ATP9A: variants seen among roughly 807,000 people sequenced by gnomAD.
ATP9A encodes the protein ATPase phospholipid transporting 9A.
Under a neutral mutation model 144.1 loss-of-function variants are expected in ATP9A, and 52 were observed. That is an observed-to-expected ratio of 0.36 (90% CI 0.29 to 0.45). The LOEUF is 0.45. Among genes scored for constraint, ATP9A ranks in the 20% least tolerant of loss-of-function variants. The probability of loss-of-function intolerance (pLI) is 1.00; values close to 1 mark genes in which losing one functional copy is unlikely to be tolerated. For synonymous variants in ATP9A, 582 were observed against 557.4 expected, an observed-to-expected ratio of 1.04 and a Z score of -0.62; for missense variants, 947 against 1,392.7, an observed-to-expected ratio of 0.68 and a Z score of 5.09.
intron 14 of ATP9A, 36 bp from the exon 15 acceptor site, chr20:51,639,540 G>A: frequency 6.4e-7 from 1 of 1,573,628 alleles, no homozygotes; most frequent in Non-Finnish European, 8.6e-7. Context: ...CAGATGCCCA[G>A]CCGAGAATCT....
At chr20:51,657,230 T>C (rs773281033) in intron 13 of ATP9A, 80 bp from the exon 14 acceptor site, 46 of 1,210,776 alleles carry the variant, frequency 3.8e-5, no homozygotes, top group African/African-American at 7.5e-5. Flanking sequence ...CGTGCAGCTA[T>C]TGTTTCTTTT....
At chr20:51,602,052 G>A (rs2077145396) in intron 27 of ATP9A, among the ~76,000 whole-genome samples, 1 of 152,170 alleles carries the variant, frequency 6.6e-6, no homozygotes, top group African/African-American at 2.4e-5. Flanking sequence ...TGCACCCTCT[G>A]CTTCCAGTGA....
chr20:51,687,502 T>C (rs1359017238), intron 9 of ATP9A, among the ~76,000 whole-genome samples: 1 of 152,106 alleles, frequency 6.6e-6, no homozygotes, highest in Admixed American at 6.6e-5. Flanking sequence ...GCAAGGTGGT[T>C]TACACCTATG....
Position 51,597,035 on chromosome 20 carries a change from G to A in ATP9A, c.*4176C>T, listed in dbSNP as rs1335347772. On this transcript the variant is annotated 3_prime_UTR_variant, in exon 28 of 28. Transcript: ENST00000338821. ...ATGAGGAAATCACAGACTCTTACAT[G>A]AGTTTACAGTTAACCCCACTGCAAC... 1 of 152,174 alleles carries A rather than the reference G, an allele frequency of 6.6e-6. No homozygotes were observed. The highest frequency in any genetic ancestry group is 2.4e-5 in the African/African-American group (1 of 41,436). 9.4% of individuals were successfully genotyped at this position (152,174 alleles called of 1,614,324 possible). A position where few individuals can be genotyped will look rare whatever the true frequency, so the allele number is the denominator to read the frequency against.
intron 11 of ATP9A, among the ~76,000 whole-genome samples, chr20:51,672,408 A>T (rs2077459866): frequency 6.6e-6 from 1 of 152,088 alleles, no homozygotes; most frequent in South Asian, 2.1e-4. Flanking sequence ...TGAAGAGTCG[A>T]CTCACCAATT....
At chr20:51,669,959 C>T in intron 13 of ATP9A, 38 bp downstream of exon 13, 1 of 1,435,270 alleles carries the variant, frequency 7.0e-7, no homozygotes, top group Non-Finnish European at 9.7e-7. Context: ...AAAAAAAAGT[C>T]AAAGAATTGT....
intron 15 of ATP9A, among the ~76,000 whole-genome samples, chr20:51,631,450 G>C (rs912768534): frequency 2.6e-5 from 4 of 152,032 alleles, no homozygotes; most frequent in African/African-American, 7.2e-5. Context: ...TGTGGCTGTA[G>C]GAAATGATGC....
intron 6 of ATP9A, among the ~76,000 whole-genome samples, chr20:51,695,466 GA>G (rs5841858): frequency 1.2e-3 from 151 of 124,982 alleles, no homozygotes; most frequent in Admixed American, 8.7e-3. Flanking sequence ...CGGTCTCAAG[GA>G]AAAAAAAAAA....
intron 15 of ATP9A, among the ~76,000 whole-genome samples, 164 bp downstream of exon 15, chr20:51,639,179 A>G (rs965700892): frequency 2.0e-5 from 3 of 152,206 alleles, no homozygotes; most frequent in Admixed American, 1.3e-4. Flanking sequence ...GGTGTGTCCA[A>G]TGAATGAACT....
intron 24 of ATP9A, among the ~76,000 whole-genome samples, chr20:51,608,922 C>CGTGTATGT (rs2077174330): frequency 7.0e-6 from 1 of 142,794 alleles, no homozygotes; most frequent in African/African-American, 2.6e-5. Context: ...GGAAATAAGA[C>CGTGTATGT]GTGTGTGTGT....
intron 1 of ATP9A, among the ~76,000 whole-genome samples, chr20:51,751,203 C>A (rs2077829909): frequency 6.6e-6 from 1 of 152,028 alleles, no homozygotes; most frequent in African/African-American, 2.4e-5. Context: ...CACTTATACC[C>A]CCAATGAATT....
chr20:51,692,105 T>C (rs913883925), intron 7 of ATP9A, among the ~76,000 whole-genome samples: 15 of 152,288 alleles, frequency 9.8e-5, no homozygotes, highest in African/African-American at 2.4e-4. Context: ...GGGGGGAATG[T>C]AGTTACTGCT....
intron 4 of ATP9A, among the ~76,000 whole-genome samples, chr20:51,709,430 G>C (rs1170583505): frequency 6.6e-6 from 1 of 152,146 alleles, no homozygotes; most frequent in Non-Finnish European, 1.5e-5. Context: ...CAGGAGAATC[G>C]CTTCAACCCG....
chr20:51,767,294 CG>C (rs2077909072), intron 1 of ATP9A, among the ~76,000 whole-genome samples: 1 of 152,158 alleles, frequency 6.6e-6, no homozygotes, highest in South Asian at 2.1e-4. Context: ...GCCTCACCTG[CG>C]CGGCCTGTGG....
At chr20:51,764,040 A>C (rs1208841473) in intron 1 of ATP9A, among the ~76,000 whole-genome samples, 1 of 152,192 alleles carries the variant, frequency 6.6e-6, no homozygotes, top group Non-Finnish European at 1.5e-5. Flanking sequence ...TCATGCAAAC[A>C]CCTAAGGATT....
intron 14 of ATP9A, among the ~76,000 whole-genome samples, chr20:51,654,738 C>T (rs1285693623): frequency 6.6e-6 from 1 of 152,100 alleles, no homozygotes; most frequent in Non-Finnish European, 1.5e-5. Context: ...GACCCCATCT[C>T]TAAAAATAAA....
At chr20:51,613,051 A>G (rs554115997) in intron 23 of ATP9A, among the ~76,000 whole-genome samples, 2 of 152,076 alleles carry the variant, frequency 1.3e-5, no homozygotes, top group Non-Finnish European at 2.9e-5. Flanking sequence ...CCTGCGGGAC[A>G]CCACAAATTT....
chr20:51,753,280 A>G (rs2077840492), intron 1 of ATP9A, among the ~76,000 whole-genome samples: 1 of 152,130 alleles, frequency 6.6e-6, no homozygotes, highest in Admixed American at 6.5e-5. Flanking sequence ...CCCTGTCTCT[A>G]TTAAAAACAC....
At chr20:51,757,013 A>AC (rs563634934) in intron 1 of ATP9A, among the ~76,000 whole-genome samples, 3 of 151,224 alleles carry the variant, frequency 2.0e-5, no homozygotes, top group Admixed American at 1.3e-4. Flanking sequence ...AGGGCCATTC[A>AC]CCCCCCAGAG....
Sources: gnomAD v4.1 joint callset for allele counts (sites outside exome capture counted in the v4.1 genomes callset) on GRCh38, gnomAD v4.1.1 for gene constraint, MANE v1.5 for transcripts, NCBI Gene and HGNC (gene_info 2026-07-23, HGNC 2026-07-21) for gene names.